Variants in PEPD observed in about 807,000 individuals in gnomAD.
PEPD encodes xaa-Pro dipeptidase.
In PEPD, 53 loss-of-function variants were observed where a neutral mutation model predicts 60.7. The observed-to-expected ratio is 0.87, with a 90% CI of 0.70 to 1.10. The LOEUF (loss-of-function observed/expected upper bound fraction) is 1.10, where lower values mean the gene tolerates loss of function less well. Among genes scored for constraint, PEPD ranks in the 50% least tolerant of loss-of-function variants. The probability of loss-of-function intolerance (pLI) is 0.00; values close to 1 mark genes in which losing one functional copy is unlikely to be tolerated. For missense variants in PEPD, 711 were observed against 711.9 expected (o/e 1.00, Z 0.01); for synonymous variants, 267 against 284.1 (o/e 0.94, Z 0.60).
intron 9 of PEPD, among the ~76,000 whole-genome samples, chr19:33,427,167 G>A (rs1002913226): frequency 6.6e-6 from 1 of 152,226 alleles, no homozygotes; most frequent in African/African-American, 2.4e-5. Flanking sequence ...TGGCAGTCAC[G>A]CCGCCCCTAC....
chr19:33,442,403 T>C (rs1205266291), intron 9 of PEPD, among the ~76,000 whole-genome samples: 1 of 134,872 alleles, frequency 7.4e-6, no homozygotes, highest in Non-Finnish European at 1.5e-5. Flanking sequence ...TGAGACTCTG[T>C]CTCAAAAAAA....
chr19:33,433,354 A>C (rs1267508127), intron 9 of PEPD, among the ~76,000 whole-genome samples: 1 of 152,234 alleles, frequency 6.6e-6, no homozygotes, highest in East Asian at 1.9e-4. Flanking sequence ...CCACTCCACA[A>C]ACACACAAGG....
At chr19:33,403,217 ACC>A (rs1968544227) in intron 11 of PEPD, among the ~76,000 whole-genome samples, 1 of 152,034 alleles carries the variant, frequency 6.6e-6, no homozygotes, top group Non-Finnish European at 1.5e-5. Flanking sequence ...ACAGAGCGGA[ACC>A]CTCGGGTCCA....
At chr19:33,400,903 AGGCT>A (rs978521119) in intron 12 of PEPD, among the ~76,000 whole-genome samples, 7 of 152,204 alleles carry the variant, frequency 4.6e-5, no homozygotes, top group Non-Finnish European at 1.0e-4. Flanking sequence ...ACTCGGCAGG[AGGCT>A]GGCTGAGCGG....
Position 33,411,741 on chromosome 19 carries a change from T to C in PEPD, c.749A>G (p.Asn250Ser). 1 of 1,604,016 alleles carries C rather than the reference T, an allele frequency of 6.2e-7. No homozygotes were observed. Among genetic ancestry groups the C allele is most frequent in the Non-Finnish European group, 8.5e-7 (1 of 1,171,472 alleles). ...GTGTCCGTAGTGTAGCACGGCTGAG[T>C]TCTCACCACTGCAAAGAGCCGGGGG... is the stretch of plus-strand genomic sequence containing the variant. ...SYTCICGSGENSAVLHYGHAG... is the reference protein window; with the variant it reads ...SYTCICGSGESSAVLHYGHAG... The change falls in exon 11 of 15, where the codon AAC becomes AGC. Residue 250 changes from asparagine to serine, a missense_variant. Coordinates refer to ENST00000244137, the MANE Select transcript of PEPD (RefSeq NM_000285.4).
intron 3 of PEPD, among the ~76,000 whole-genome samples, chr19:33,503,574 C>T (rs1417632109): frequency 2.0e-5 from 3 of 152,194 alleles, no homozygotes; most frequent in Non-Finnish European, 2.9e-5. Context: ...AGACCCTTTG[C>T]TACTGAGCAA....
intron 3 of PEPD, among the ~76,000 whole-genome samples, chr19:33,509,104 A>C (rs2145350045): frequency 6.6e-6 from 1 of 152,350 alleles, no homozygotes; most frequent in East Asian, 1.9e-4. Context: ...TCACACCAGC[A>C]CGCTGAGCCA....
chr19:33,415,511 A>AAATC lies in PEPD; in HGVS notation c.672-1872_672-1869dup, dbSNP rs764289944. Among the ~76,000 whole-genome samples the AAATC allele has an allele frequency of 5.3e-5, 8 of 152,268 alleles. No individual in the cohort carries two copies. In the South Asian group the frequency reaches 1.4e-3, roughly 28 times the overall value. On this transcript the variant is annotated intron_variant, in intron 9 of 14. Transcript: ENST00000244137. ...ACACAGCAAGACCCCAGCTCTCAAA[A>AAATC]AATCAATCAATCAATCAATACAAGA... is the stretch of plus-strand genomic sequence containing the variant.
At chr19:33,491,610 C>T (rs549835692) in intron 5 of PEPD, among the ~76,000 whole-genome samples, 3 of 152,288 alleles carry the variant, frequency 2.0e-5, no homozygotes, top group Admixed American at 6.5e-5. Context: ...TATAACCTGG[C>T]GTGTCCACCC....
intron 4 of PEPD, among the ~76,000 whole-genome samples, chr19:33,499,245 T>C (rs903140609): frequency 6.6e-6 from 1 of 152,060 alleles, no homozygotes; most frequent in Non-Finnish European, 1.5e-5. Flanking sequence ...GGGATTGAAA[T>C]AACATAACAT....
At chr19:33,424,413 C>T (rs1051477105) in intron 9 of PEPD, among the ~76,000 whole-genome samples, 1 of 152,268 alleles carries the variant, frequency 6.6e-6, no homozygotes. Flanking sequence ...GCTGTGTAAA[C>T]ACAAGCACCA....
chr19:33,486,091 C>T (rs571830224), intron 6 of PEPD, among the ~76,000 whole-genome samples: 7 of 152,222 alleles, frequency 4.6e-5, no homozygotes, highest in East Asian at 1.9e-4. Context: ...CCTGCCCTAA[C>T]GTCTACCTCC....
At chr19:33,397,211 C>A (rs564090367) in intron 12 of PEPD, among the ~76,000 whole-genome samples, 2 of 152,368 alleles carry the variant, frequency 1.3e-5, no homozygotes, top group African/African-American at 2.4e-5. Flanking sequence ...AATGCTCCCC[C>A]ACCAGCCCTA....
intron 9 of PEPD, among the ~76,000 whole-genome samples, chr19:33,456,386 T>C (rs1037334579): frequency 6.6e-6 from 1 of 152,176 alleles, no homozygotes; most frequent in African/African-American, 2.4e-5. Flanking sequence ...CCCCTAGGCA[T>C]GGCCAGCCAG....
intron 9 of PEPD, among the ~76,000 whole-genome samples, chr19:33,439,659 C>G (rs1969447689): frequency 6.6e-6 from 1 of 152,204 alleles, no homozygotes; most frequent in Non-Finnish European, 1.5e-5. Context: ...CTGAGGGATG[C>G]CCACCACAGG....
At chr19:33,425,196 C>G (rs996792697) in intron 9 of PEPD, among the ~76,000 whole-genome samples, 1 of 152,070 alleles carries the variant, frequency 6.6e-6, no homozygotes, top group African/African-American at 2.4e-5. Flanking sequence ...ATAGTGAAAC[C>G]CTGTCTCTAC....
intron 12 of PEPD, chr19:33,396,220 G>T: frequency 6.6e-6 from 1 of 152,470 alleles, no homozygotes; most frequent in Non-Finnish European, 1.5e-5. Flanking sequence ...CCTGAGCCCT[G>T]CACTCCACGC....
chr19:33,429,604 T>C (rs1185830108), intron 9 of PEPD, among the ~76,000 whole-genome samples: 5 of 152,164 alleles, frequency 3.3e-5, no homozygotes, highest in African/African-American at 9.7e-5. Flanking sequence ...ACTATAAAGA[T>C]AGAAAAAACA....
intron 4 of PEPD, among the ~76,000 whole-genome samples, chr19:33,497,107 A>C (rs1442794507): frequency 6.6e-6 from 1 of 152,248 alleles, no homozygotes; most frequent in Admixed American, 6.5e-5. Flanking sequence ...TCAAATGTAA[A>C]CATCAGGAAA....
Sources: allele counts gnomAD v4.1 joint callset (sites outside exome capture counted in the v4.1 genomes callset), GRCh38; gene constraint gnomAD v4.1.1; transcripts MANE v1.5; gene names NCBI Gene and HGNC (gene_info 2026-07-23, HGNC 2026-07-21).